MYRIP: variants seen among roughly 807,000 people sequenced by gnomAD.
The protein encoded by MYRIP is rab effector MyRIP.
A neutral mutation model predicts 98.0 loss-of-function variants in MYRIP; 49 were observed. The observed-to-expected ratio is 0.50, with a 90% CI of 0.40 to 0.63. MYRIP has a LOEUF of 0.63. Among genes scored for constraint, MYRIP ranks in the 30% least tolerant of loss-of-function variants. MYRIP has a pLI of 0.00. For missense variants in MYRIP, 1,004 were observed against 1,058.2 expected (o/e 0.95, Z 0.71); for synonymous variants, 404 against 409.5 (o/e 0.99, Z 0.16).
At chr3:40,249,362 G>C (rs1953302836) in intron 13 of MYRIP, among the ~76,000 whole-genome samples, 1 of 152,188 alleles carries the variant, frequency 6.6e-6, no homozygotes, top group African/African-American at 2.4e-5. Context: ...AATGTGACGA[G>C]AGCATGGCCA....
intron 3 of MYRIP, among the ~76,000 whole-genome samples, chr3:40,105,613 A>C (rs1179960172): frequency 6.6e-6 from 1 of 152,158 alleles, no homozygotes; most frequent in Non-Finnish European, 1.5e-5. Flanking sequence ...GTCCATTCTC[A>C]CACTGCTTTA....
chr3:40,257,199 C>T (rs998342574), intron 16 of MYRIP, among the ~76,000 whole-genome samples: 3 of 152,154 alleles, frequency 2.0e-5, no homozygotes, highest in African/African-American at 7.2e-5. Context: ...TGGCATATGC[C>T]TGTAGTCCCA....
At chr3:40,158,301 C>T (rs1339196457) in intron 4 of MYRIP, among the ~76,000 whole-genome samples, 5 of 152,060 alleles carry the variant, frequency 3.3e-5, no homozygotes, top group South Asian at 2.1e-4. Flanking sequence ...TGTAGTTGAG[C>T]GGTTTTGAGT....
chr3:40,084,187 C>G (rs1199960196), intron 3 of MYRIP, among the ~76,000 whole-genome samples: 1 of 94,072 alleles, frequency 1.1e-5, no homozygotes, highest in Admixed American at 1.0e-4. Context: ...AGAAGGAAAA[C>G]TAAAAGTTTG....
chr3:39,910,000 C>T (rs1399468836), intron 2 of MYRIP, among the ~76,000 whole-genome samples: 1 of 152,032 alleles, frequency 6.6e-6, no homozygotes, highest in African/African-American at 2.4e-5. Context: ...AAGCGATTCT[C>T]CTGCCTTAGC....
chr3:40,189,363 G>T (rs1034320655), intron 9 of MYRIP, among the ~76,000 whole-genome samples: 4 of 152,210 alleles, frequency 2.6e-5, no homozygotes, highest in Non-Finnish European at 5.9e-5. Context: ...AAGAGCAGAT[G>T]TGTTAACCTC....
chr3:40,015,402 A>G (rs1575465923), intron 2 of MYRIP, among the ~76,000 whole-genome samples: 1 of 152,312 alleles, frequency 6.6e-6, no homozygotes, highest in Middle Eastern at 3.4e-3. Context: ...AGAAGCTTTG[A>G]TCAGGGTTGA....
At chr3:40,190,918 C>G (rs1613609) in intron 10 of MYRIP, among the ~76,000 whole-genome samples, 125,275 of 152,198 alleles carry the variant, frequency 0.82, 52,851 homozygotes, top group Middle Eastern at 0.95. Context: ...CAAGGCATCT[C>G]TCTAGTTCTC....
intron 1 of MYRIP, among the ~76,000 whole-genome samples, chr3:39,825,719 T>C (rs920038311): frequency 1.3e-5 from 2 of 152,210 alleles, no homozygotes; most frequent in African/African-American, 4.8e-5. Context: ...GAACTCCTTA[T>C]GCTTCAATTC....
chr3:40,066,075 C>T (rs980211090), intron 3 of MYRIP, among the ~76,000 whole-genome samples: 67 of 152,172 alleles, frequency 4.4e-4, no homozygotes, highest in African/African-American at 1.5e-3. Flanking sequence ...TGCACAGCCT[C>T]CTGGAGGCCA....
intron 3 of MYRIP, among the ~76,000 whole-genome samples, chr3:40,048,483 C>A (rs937780298): frequency 2.2e-5 from 3 of 138,454 alleles, no homozygotes; most frequent in African/African-American, 7.7e-5. Context: ...GAAGTAATAA[C>A]TGTATCAAAT....
chr3:39,963,475 A>C (rs745351466), intron 2 of MYRIP, among the ~76,000 whole-genome samples: 11 of 152,132 alleles, frequency 7.2e-5, no homozygotes, highest in Non-Finnish European at 1.6e-4. Context: ...GTTATATTGC[A>C]TGTCCTACAG....
chr3:40,218,548 CTGTA>C (rs1187184587), intron 11 of MYRIP, among the ~76,000 whole-genome samples: 1 of 146,504 alleles, frequency 6.8e-6, no homozygotes, highest in Non-Finnish European at 1.5e-5. Flanking sequence ...CTAAATTTTA[CTGTA>C]TGTAATATAC....
intron 2 of MYRIP, among the ~76,000 whole-genome samples, chr3:39,974,517 T>C (rs928683321): frequency 1.3e-5 from 2 of 151,992 alleles, no homozygotes; most frequent in Non-Finnish European, 2.9e-5. Flanking sequence ...TTCCAATCAA[T>C]AGAAAAAGAG....
intron 3 of MYRIP, among the ~76,000 whole-genome samples, chr3:40,119,727 C>A (rs894310360): frequency 2.6e-5 from 4 of 151,306 alleles, no homozygotes; most frequent in Admixed American, 6.6e-5. Context: ...ATGAGAACAC[C>A]TGGACACAGG....
chr3:40,035,108 G>C (rs1177299652), intron 2 of MYRIP, among the ~76,000 whole-genome samples: 3 of 149,166 alleles, frequency 2.0e-5, no homozygotes, highest in Non-Finnish European at 3.0e-5. Context: ...AGCATTAGGA[G>C]ATATACCTAA....
intron 1 of MYRIP, among the ~76,000 whole-genome samples, chr3:39,875,288 G>T (rs372728476): frequency 3.3e-5 from 5 of 151,436 alleles, no homozygotes; most frequent in African/African-American, 1.2e-4. Flanking sequence ...TTTCAAAAAA[G>T]CAGCTCCTGG....
chr3:39,945,440 G>A (rs1462031771), intron 2 of MYRIP, among the ~76,000 whole-genome samples: 1 of 132,216 alleles, frequency 7.6e-6, no homozygotes. Context: ...TCATACCACT[G>A]CACTCCAGCC....
intron 2 of MYRIP, among the ~76,000 whole-genome samples, chr3:39,989,760 A>G (rs1946125673): frequency 1.3e-5 from 2 of 152,204 alleles, no homozygotes; most frequent in African/African-American, 4.8e-5. Flanking sequence ...TGATGGGTCA[A>G]GGTCAGGCCT....
Sources: allele counts gnomAD v4.1 joint callset (sites outside exome capture counted in the v4.1 genomes callset), GRCh38; gene constraint gnomAD v4.1.1; transcripts MANE v1.5; gene names NCBI Gene and HGNC (gene_info 2026-07-23, HGNC 2026-07-21).